The following SNX31 variants were observed in gnomAD, a reference collection of about 807,000 sequenced individuals.
The protein encoded by SNX31 is sorting nexin-31.
A neutral mutation model predicts 65.4 loss-of-function variants in SNX31; 58 were observed. The ratio of observed to expected loss-of-function variants is 0.89; its 90% confidence interval spans 0.72 to 1.10. The LOEUF is 1.10. Ranked by LOEUF, SNX31 falls within the 50% of genes least tolerant of loss-of-function variation. The pLI, the probability that SNX31 is intolerant of heterozygous loss-of-function variation, is 0.00. For synonymous variants in SNX31, 181 were observed against 190.1 expected (o/e 0.95, Z 0.39); for missense variants, 523 against 529.7 (o/e 0.99, Z 0.12).
chr8:100,584,266 C>T lies in SNX31; in HGVS notation c.1093-78G>A, dbSNP rs147673797. The stretch of plus-strand genomic sequence containing the variant: ...TTTCTTCCCTCCTCACACCACAAAG[C>T]GGATTTTGACTCTGCCCTCCAATAA... On this transcript the variant is annotated intron_variant, in intron 11 of 13. Transcript: ENST00000311812. 1.9e-4 allele frequency: 211 copies of T among 1,122,440 alleles called. 1 individual carries two copies. The East Asian group carries it at 4.9e-3, about 26-fold the overall frequency. The allele number at this position is 1,122,440 out of a possible 1,614,324, so 69.5% of individuals were successfully genotyped here. A position where few individuals can be genotyped will look rare whatever the true frequency, so the allele number is the denominator to read the frequency against.
chr8:100,609,842 C>T lies in SNX31; in HGVS notation c.612-1279G>A, dbSNP rs941607797. On this transcript the variant is annotated intron_variant, in intron 7 of 13. Transcript: ENST00000311812. This position sits in a 1 kb window ranked among gnomAD's most constrained non-coding sequence, Gnocchi z 4.9. Reference sequence around the variant, plus strand: ...GACCCATCCCAGACTGGGGCTCCCACAGGCCAGCACAGGTACCCTGTGGCC... The same window carrying T: ...GACCCATCCCAGACTGGGGCTCCCATAGGCCAGCACAGGTACCCTGTGGCC... Among the ~76,000 whole-genome samples, 1 of 152,206 alleles carries T rather than the reference C, an allele frequency of 6.6e-6. No homozygotes were observed. The highest frequency in any genetic ancestry group is 2.4e-5 in the African/African-American group (1 of 41,462).
rs765883622 is a variant in SNX31 at position 100,630,948 on chromosome 8, C to T, written c.257-557G>A. On this transcript the variant is annotated intron_variant, in intron 3 of 13. Transcript: ENST00000311812. This position sits in a 1 kb window ranked among gnomAD's most constrained non-coding sequence, Gnocchi z 5.3. ...GATTACAGGCACTCACCACCATGCC[C>T]GGCTAATTTTTGTATTTTTAGTAGA... 2.6e-5 allele frequency among the ~76,000 whole-genome samples: 4 copies of T among 152,090 alleles called. No individual in the cohort carries two copies. The highest frequency in any genetic ancestry group is 2.6e-4 in the Admixed American group (4 of 15,274).
intron 4 of SNX31, among the ~76,000 whole-genome samples, chr8:100,619,580 G>A (rs1164738612): frequency 6.6e-6 from 1 of 152,230 alleles, no homozygotes; most frequent in Non-Finnish European, 1.5e-5. Context: ...AGGACACCAG[G>A]AGGAAGCAGG....
At chr8:100,574,408 C>A (rs1812863236) in intron 13 of SNX31, among the ~76,000 whole-genome samples, 1 of 152,080 alleles carries the variant, frequency 6.6e-6, no homozygotes, top group Non-Finnish European at 1.5e-5. Context: ...CCAAGGCGGG[C>A]AGATCACGAG....
At chr8:100,653,539 A>G (rs1233687070), upstream of SNX31, among the ~76,000 whole-genome samples, 3 of 152,248 alleles carry the variant, frequency 2.0e-5, no homozygotes, top group Non-Finnish European at 2.9e-5. Context: ...TTGTGCTTCC[A>G]GAAGCCAAGA....
intron 8 of SNX31, among the ~76,000 whole-genome samples, chr8:100,602,061 C>G (rs1458514204): frequency 6.6e-6 from 1 of 152,214 alleles, no homozygotes; most frequent in Non-Finnish European, 1.5e-5. Flanking sequence ...CAGAATTGGC[C>G]ATTGTCCCTC....
At chr8:100,621,301 C>T (rs1486619121) in intron 4 of SNX31, among the ~76,000 whole-genome samples, 1 of 152,194 alleles carries the variant, frequency 6.6e-6, no homozygotes, top group Non-Finnish European at 1.5e-5. Flanking sequence ...GTGATAACTG[C>T]AGCACTCTTT....
chr8:100,574,609 G>T (rs1812884154), intron 13 of SNX31, among the ~76,000 whole-genome samples: 1 of 146,102 alleles, frequency 6.8e-6, no homozygotes, highest in African/African-American at 2.6e-5. Context: ...CTTCAGCCTG[G>T]CAACAGAGTG....
chr8:100,631,501 G>A (rs1195592853), intron 3 of SNX31, among the ~76,000 whole-genome samples: 2 of 147,704 alleles, frequency 1.4e-5, no homozygotes, highest in Admixed American at 1.4e-4. Context: ...GCAATGGCGT[G>A]ATTTCACCTC....
At chr8:100,618,654 G>C (rs981889512) in intron 4 of SNX31, 5 of 466,884 alleles carry the variant, frequency 1.1e-5, no homozygotes, top group Non-Finnish European at 1.9e-5. Flanking sequence ...AGGTTTGATA[G>C]TTTGCTAGAA....
At chr8:100,617,912 C>T (rs1817367094) in intron 4 of SNX31, among the ~76,000 whole-genome samples, 182 bp from the exon 5 acceptor site, 1 of 151,826 alleles carries the variant, frequency 6.6e-6, no homozygotes, top group Admixed American at 6.6e-5. Context: ...TTACAGGCAC[C>T]CACCACCACG....
At position 100,649,359 on chromosome 8, in the gene SNX31, A is replaced by G. The variant is rs372152676; in HGVS notation, c.67-11T>C. 6.2e-7 allele frequency: 1 copy of G among 1,613,514 alleles called. No homozygotes were observed. The highest frequency in any genetic ancestry group is 1.7e-5 in the Admixed American group (1 of 60,016). ...GTGCACGGAGTACAGCTGCAAACAC[A>G]CAGACACCCCGTCCCTGGTGAGCCG... On this transcript the variant is annotated splice_polypyrimidine_tract_variant and intron_variant, in intron 1 of 13. Coordinates refer to ENST00000311812, the MANE Select transcript of SNX31 (RefSeq NM_152628.4).
intron 2 of SNX31, 85 bp from the exon 3 acceptor site, chr8:100,636,096 TC>T: frequency 1.1e-6 from 1 of 890,690 alleles, no homozygotes. Context: ...TTAGGGCAAG[TC>T]CCATCCCAGC....
At chr8:100,662,879 G>T (rs77838722) in intron 1 of SNX31, among the ~76,000 whole-genome samples, 15,130 of 151,964 alleles carry the variant, frequency 0.1, 957 homozygotes, top group South Asian at 0.18. Context: ...AACACACTTG[G>T]CCTAATTTAA....
chr8:100,610,925 G>A lies in SNX31; in HGVS notation c.611+1075C>T, dbSNP rs1008483598. 6.6e-6 allele frequency among the ~76,000 whole-genome samples: 1 copy of A among 152,144 alleles called. No individual in the cohort carries two copies. The highest frequency in any genetic ancestry group is 1.5e-5 in the Non-Finnish European group (1 of 68,022). ...AACAGAATAAATGGGCTGGGAGAGA[G>A]CGAGCCTAAGGAGCAATCCCCTGCA... is the stretch of plus-strand genomic sequence containing the variant. On this transcript the variant is annotated intron_variant, in intron 7 of 13. Transcript: ENST00000311812. The surrounding 1 kb of genome is among the most constrained non-coding windows in gnomAD (Gnocchi z 4.0).
At chr8:100,581,728 G>A (rs1813574936) in intron 12 of SNX31, among the ~76,000 whole-genome samples, 1 of 152,108 alleles carries the variant, frequency 6.6e-6, no homozygotes, top group South Asian at 2.1e-4. Flanking sequence ...TTCTATAAGT[G>A]CTATGTGTCA....
chr8:100,628,812 G>A (rs944035652), intron 4 of SNX31, among the ~76,000 whole-genome samples: 2 of 139,822 alleles, frequency 1.4e-5, no homozygotes, highest in Non-Finnish European at 3.1e-5. Flanking sequence ...AAAATAAAAT[G>A]GGTGTGTGTG....
intron 12 of SNX31, among the ~76,000 whole-genome samples, chr8:100,579,853 AT>A (rs1490761591): frequency 6.6e-6 from 1 of 152,188 alleles, no homozygotes; most frequent in Non-Finnish European, 1.5e-5. Flanking sequence ...CTAGGTATAG[AT>A]TATTAGAAAT....
At chr8:100,618,266 A>G (rs1276568626) in intron 4 of SNX31, 7 of 1,470,500 alleles carry the variant, frequency 4.8e-6, no homozygotes, top group Non-Finnish European at 6.4e-6. Context: ...ACAACTGAGT[A>G]TCTATATTGG....
Sources: gnomAD v4.1 joint callset for allele counts (sites outside exome capture counted in the v4.1 genomes callset) on GRCh38, gnomAD v4.1.1 for gene constraint, Gnocchi (gnomAD v3.1) non-coding constraint, MANE v1.5 for transcripts, NCBI Gene and HGNC (gene_info 2026-07-23, HGNC 2026-07-21) for gene names.